Variants in AGBL3 observed in about 807,000 individuals in gnomAD.
The protein encoded by AGBL3 is AGBL carboxypeptidase 3, also known as cytosolic carboxypeptidase 3.
A neutral mutation model predicts 94.5 loss-of-function variants in AGBL3; 68 were observed. That is an observed-to-expected ratio of 0.72 (90% confidence interval 0.59 to 0.88). The LOEUF (loss-of-function observed/expected upper bound fraction) is 0.88. AGBL3 is among the 40% of genes least tolerant of loss of function. The pLI, the probability that AGBL3 is intolerant of heterozygous loss-of-function variation, is 0.00. For synonymous variants in AGBL3, 354 were observed against 370.7 expected, an observed-to-expected ratio of 0.95 and a Z score of 0.52; for missense variants, 934 against 1,103.8, an observed-to-expected ratio of 0.85 and a Z score of 2.18.
At chr7:135,114,050 T>G (rs184550051) in intron 15 of AGBL3, among the ~76,000 whole-genome samples, 133 of 152,354 alleles carry the variant, frequency 8.7e-4, no homozygotes, top group African/African-American at 3.1e-3. Context: ...TTTTTAAGAC[T>G]AAATAATATT....
chr7:135,060,418 A>G (rs938461397), intron 12 of AGBL3, among the ~76,000 whole-genome samples: 1 of 152,128 alleles, frequency 6.6e-6, no homozygotes, highest in Non-Finnish European at 1.5e-5. Flanking sequence ...AAACACTTAA[A>G]ATCTATTCTT....
intron 4 of AGBL3, among the ~76,000 whole-genome samples, chr7:134,997,797 C>A (rs980893053): frequency 6.6e-6 from 1 of 152,188 alleles, no homozygotes; most frequent in South Asian, 2.1e-4. Context: ...TTTGGACAAC[C>A]AAGGCCTGCT....
rs575628316 is a variant in AGBL3 at position 134,989,058 on chromosome 7, C to T, written c.64-192C>T. The stretch of plus-strand genomic sequence containing the variant: ...GAAGAGGAGGAATGAAAGATGCAAA[C>T]TTTAAGGTTTCAGGATATTTGAAGT... On this transcript the variant is annotated intron_variant, in intron 2 of 16. Transcript: ENST00000436302. Among the ~76,000 whole-genome samples the T allele has an allele frequency of 5.3e-5, 8 of 152,234 alleles. No homozygotes were observed. The South Asian group carries it at 6.2e-4, about 12-fold the overall frequency.
intron 15 of AGBL3, among the ~76,000 whole-genome samples, chr7:135,109,464 C>T (rs1457752808): frequency 1.3e-5 from 2 of 152,058 alleles, no homozygotes; most frequent in African/African-American, 4.8e-5. Context: ...GGATGGGGGC[C>T]CACATAACAA....
At chr7:135,022,700 A>G (rs1039764641) in intron 5 of AGBL3, among the ~76,000 whole-genome samples, 1 of 152,076 alleles carries the variant, frequency 6.6e-6, no homozygotes, top group Non-Finnish European at 1.5e-5. Context: ...TTTTGTTGCA[A>G]TTGCTTTTGC....
At chr7:135,031,013 TTTTTTTG>T (rs1307071392) in intron 5 of AGBL3, among the ~76,000 whole-genome samples, 1 of 151,980 alleles carries the variant, frequency 6.6e-6, no homozygotes, top group East Asian at 1.9e-4. Flanking sequence ...TCAGTTTTGT[TTTTTTTG>T]TTTTTTGAGA....
intron 14 of AGBL3, 43 bp downstream of exon 14, chr7:135,080,303 T>G: frequency 6.6e-7 from 1 of 1,505,606 alleles, no homozygotes; most frequent in Non-Finnish European, 9.0e-7. Flanking sequence ...TTAATTCATT[T>G]ACTCAACTAA....
At chr7:135,006,653 G>A (rs1812424263) in intron 4 of AGBL3, among the ~76,000 whole-genome samples, 1 of 151,868 alleles carries the variant, frequency 6.6e-6, no homozygotes, top group Non-Finnish European at 1.5e-5. Flanking sequence ...AAAATAAAGT[G>A]GCTCCTCAGC....
At chr7:135,113,104 C>A (rs1304393837) in intron 15 of AGBL3, among the ~76,000 whole-genome samples, 10 of 152,268 alleles carry the variant, frequency 6.6e-5, no homozygotes, top group Admixed American at 6.5e-4. Context: ...TATTGAGTGG[C>A]CTAAGAATGG....
chr7:135,064,559 C>T (rs970450778), intron 12 of AGBL3, among the ~76,000 whole-genome samples: 1 of 152,022 alleles, frequency 6.6e-6, no homozygotes, highest in African/African-American at 2.4e-5. Context: ...CAAGGTGATA[C>T]TAGTAGAGGG....
At chr7:135,096,441 T>C (rs889649719) in intron 15 of AGBL3, among the ~76,000 whole-genome samples, 4 of 150,350 alleles carry the variant, frequency 2.7e-5, no homozygotes, top group Non-Finnish European at 5.9e-5. Context: ...GAGATATATA[T>C]GGCTATTCTT....
intron 4 of AGBL3, chr7:135,010,124 G>C (rs1232170814): frequency 4.8e-6 from 2 of 413,526 alleles, no homozygotes; most frequent in South Asian, 1.7e-5. Flanking sequence ...CACCTCCCAG[G>C]TTCAAGCGAT....
intron 5 of AGBL3, among the ~76,000 whole-genome samples, chr7:135,028,497 G>A (rs895495502): frequency 6.6e-6 from 1 of 152,138 alleles, no homozygotes; most frequent in Non-Finnish European, 1.5e-5. Context: ...TCCAATTCAA[G>A]TTTTATTATG....
chr7:135,121,945 T>C (rs182650168), intron 16 of AGBL3, among the ~76,000 whole-genome samples: 90 of 152,336 alleles, frequency 5.9e-4, no homozygotes, highest in African/African-American at 2.0e-3. Context: ...CACCAGGGCC[T>C]AGCGTCCCAA....
chr7:135,112,180 G>T (rs886506980), intron 15 of AGBL3, among the ~76,000 whole-genome samples: 2 of 151,996 alleles, frequency 1.3e-5, no homozygotes, highest in Non-Finnish European at 2.9e-5. Flanking sequence ...CCCTCATTTT[G>T]CCTCCCTTGA....
chr7:134,989,191 T>A (rs1346820401), intron 2 of AGBL3, 59 bp from the exon 3 acceptor site: 19 of 1,268,264 alleles, frequency 1.5e-5, no homozygotes, highest in Non-Finnish European at 1.8e-5. Flanking sequence ...TGTAAAAAAA[T>A]TCTGGATTTG....
Position 135,034,474 on chromosome 7 carries a change from T to G in AGBL3, c.883T>G (p.Phe295Val). 6.4e-7 allele frequency: 1 copy of G among 1,551,870 alleles called. No individual in the cohort carries two copies. The highest frequency in any genetic ancestry group is 2.0e-5 in the Admixed American group (1 of 51,006). The change falls in exon 7 of 17, where the codon TTT (phenylalanine) becomes GTT (valine). Residue 295 changes from phenylalanine (F) to valine (V), a missense_variant. Physicochemically the swap from Phe to Val is conservative, Grantham distance 50. Around this residue, in one of 3 missense-constraint regions of AGBL3, gnomAD observed 488 missense variants for 563.6 expected, o/e 0.87. Coordinates refer to ENST00000436302, the MANE Select transcript of AGBL3 (RefSeq NM_178563.4). ...QFPHNKDTCY[F>V]AHCYPYTYTN... ...TCCACACAACAAAGATACCTGCTAC[T>G]TTGCTCATTGCTATCCATACACTTA...
chr7:134,990,763 C>T (rs1810138625), intron 3 of AGBL3, among the ~76,000 whole-genome samples: 1 of 152,146 alleles, frequency 6.6e-6, no homozygotes, highest in Non-Finnish European at 1.5e-5. Context: ...TGTGCTTTTC[C>T]CTTACCTCAT....
chr7:135,027,434 GTATT>G (rs2116370462), intron 5 of AGBL3, among the ~76,000 whole-genome samples: 1 of 18,488 alleles, frequency 5.4e-5, no homozygotes, highest in South Asian at 8.3e-3. Context: ...AGAAAAAATT[GTATT>G]TATATTTATT....
Sources: gnomAD v4.1 joint callset for allele counts (sites outside exome capture counted in the v4.1 genomes callset) on GRCh38, gnomAD v4.1.1 for gene constraint, gnomAD v4.1.1 regional missense constraint, MANE v1.5 for transcripts, NCBI Gene and HGNC (gene_info 2026-07-23, HGNC 2026-07-21) for gene names.